CRY1: variants seen among roughly 807,000 people sequenced by gnomAD.
CRY1 encodes cryptochrome-1.
In CRY1, 45 loss-of-function variants were observed where a neutral mutation model predicts 76.0. The ratio of observed to expected loss-of-function variants is 0.59; its 90% CI spans 0.47 to 0.76. CRY1 has a LOEUF of 0.76. CRY1 is among the 30% of genes least tolerant of loss of function. CRY1 has a pLI of 0.00. For missense variants in CRY1, 587 were observed against 716.4 expected, an observed-to-expected ratio of 0.82 and a Z score of 2.06; for synonymous variants, 248 against 244.0, an observed-to-expected ratio of 1.02 and a Z score of -0.15.
At chr12:107,052,129 A>G (rs1248706894) in intron 1 of CRY1, among the ~76,000 whole-genome samples, 1 of 152,128 alleles carries the variant, frequency 6.6e-6, no homozygotes, top group Non-Finnish European at 1.5e-5. Flanking sequence ...TGATTTTTAA[A>G]GAGAAAGACA....
chr12:107,092,703 A>G, intron 1 of CRY1, 101 bp downstream of exon 1: 1 of 1,513,448 alleles, frequency 6.6e-7, no homozygotes. Flanking sequence ...TAAGCAAGAC[A>G]GTCCCACGTC....
Position 107,000,216 on chromosome 12 carries a change from T to C in CRY1, c.685-134A>G, listed in dbSNP as rs1460001312. The C allele has an allele frequency of 5.7e-6, 5 of 877,988 alleles. 1 individual carries two copies. The highest frequency in any genetic ancestry group is 8.3e-6 in the Non-Finnish European group (5 of 604,010). 54.4% of individuals were successfully genotyped at this position (877,988 alleles called of 1,614,324 possible). The stretch of plus-strand genomic sequence containing the variant: ...AATCTTATCCTAGCCACAAATTACA[T>C]GTTTTAATAAAAAATAAGACAGGAT... On this transcript the variant is annotated intron_variant, in intron 5 of 12. Transcript: ENST00000008527.
intron 2 of CRY1, among the ~76,000 whole-genome samples, chr12:107,014,567 CTTTA>C (rs1566247913): frequency 7.7e-6 from 1 of 130,602 alleles, no homozygotes; most frequent in Non-Finnish European, 1.7e-5. Flanking sequence ...TCCCGTTCCT[CTTTA>C]TTTTTTGTTT....
intron 1 of CRY1, among the ~76,000 whole-genome samples, chr12:107,088,694 CTA>C (rs1213636072): frequency 6.6e-6 from 1 of 152,178 alleles, no homozygotes; most frequent in Non-Finnish European, 1.5e-5. Flanking sequence ...CTCAAACAAA[CTA>C]TTAATAAAAC....
chr12:107,032,516 A>G (rs1343908500), intron 1 of CRY1, among the ~76,000 whole-genome samples: 1 of 151,916 alleles, frequency 6.6e-6, no homozygotes, highest in Non-Finnish European at 1.5e-5. Context: ...ACAGACACAC[A>G]CACACACACA....
chr12:107,037,392 C>T (rs1225314850), intron 1 of CRY1, among the ~76,000 whole-genome samples: 1 of 152,004 alleles, frequency 6.6e-6, no homozygotes, highest in Admixed American at 6.6e-5. Context: ...ATTAGCCAGG[C>T]GTGGTGGTGC....
intron 2 of CRY1, among the ~76,000 whole-genome samples, chr12:107,016,015 A>G (rs1436544339): frequency 1.3e-5 from 2 of 152,338 alleles, no homozygotes; most frequent in Middle Eastern, 3.4e-3. Context: ...AACTAAATGA[A>G]TATAAAGTTC....
chr12:107,041,261 C>T (rs1952796039), intron 1 of CRY1, among the ~76,000 whole-genome samples: 1 of 151,330 alleles, frequency 6.6e-6, no homozygotes, highest in Admixed American at 6.6e-5. Context: ...GATTAAAATA[C>T]ACAAATTTAT....
chr12:107,048,583 C>A (rs1053110155), intron 1 of CRY1, among the ~76,000 whole-genome samples: 1 of 152,082 alleles, frequency 6.6e-6, no homozygotes, highest in Non-Finnish European at 1.5e-5. Context: ...TACCAAATAC[C>A]GTATGTCTCT....
At chr12:107,042,460 CCT>C (rs1451181871) in intron 1 of CRY1, among the ~76,000 whole-genome samples, 3 of 152,056 alleles carry the variant, frequency 2.0e-5, no homozygotes, top group African/African-American at 4.8e-5. Flanking sequence ...CCACATATCC[CCT>C]GATATAAAAA....
chr12:107,042,256 C>G (rs1454693226), intron 1 of CRY1, among the ~76,000 whole-genome samples: 1 of 152,034 alleles, frequency 6.6e-6, no homozygotes, highest in African/African-American at 2.4e-5. Context: ...ATAATTCAGG[C>G]AAGATCTACT....
chr12:107,067,470 G>T (rs564665429), intron 1 of CRY1, among the ~76,000 whole-genome samples: 1 of 151,818 alleles, frequency 6.6e-6, no homozygotes, highest in African/African-American at 2.4e-5. Flanking sequence ...TGGTGATATC[G>T]GCATGCACAA....
chr12:107,009,877 T>C (rs1398544162), intron 2 of CRY1, among the ~76,000 whole-genome samples: 1 of 152,008 alleles, frequency 6.6e-6, no homozygotes, highest in African/African-American at 2.4e-5. Flanking sequence ...CAGGTTGTGG[T>C]ATCAGGGTTA....
chr12:106,997,622 C>A lies in CRY1; in HGVS notation c.1358G>T (p.Gly453Val). 2 of 1,614,084 alleles carry A rather than the reference C, an allele frequency of 1.2e-6. No homozygotes were observed. Among genetic ancestry groups the A allele is most frequent in the Non-Finnish European group, 1.7e-6 (2 of 1,179,970 alleles). ...CAAACATTTGGCTACCTTTTGGATA[C>A]CTTCTGGTGCATTCCAGGGATCATA... ...YIYDPWNAPE[G>V]IQKVAKCLIG... is the part of the protein sequence containing the mutation. The change falls in exon 9 of 13, where the codon GGT (glycine) becomes GTT (valine). Residue 453 changes from glycine (G) to valine (V), a missense_variant. Transcript: ENST00000008527.
chr12:107,086,702 T>C (rs540398798), intron 1 of CRY1, among the ~76,000 whole-genome samples: 6 of 152,308 alleles, frequency 3.9e-5, no homozygotes, highest in Non-Finnish European at 8.8e-5. Context: ...GTATACAGAA[T>C]ACAAGATCCA....
At chr12:107,034,446 C>T (rs886663609) in intron 1 of CRY1, among the ~76,000 whole-genome samples, 1 of 152,066 alleles carries the variant, frequency 6.6e-6, no homozygotes, top group Non-Finnish European at 1.5e-5. Context: ...TATGGACTGG[C>T]CATTTTTTGT....
chr12:107,054,560 G>C (rs917226664), intron 1 of CRY1, among the ~76,000 whole-genome samples: 1 of 149,324 alleles, frequency 6.7e-6, no homozygotes, highest in African/African-American at 2.5e-5. Context: ...ACTAACGAAA[G>C]GCTTCAATTA....
intron 2 of CRY1, among the ~76,000 whole-genome samples, chr12:107,015,352 T>C (rs1046815999): frequency 4.7e-4 from 72 of 152,218 alleles, no homozygotes; most frequent in African/African-American, 1.7e-3. Context: ...CTCTTTTTTT[T>C]TTTTTGAGAC....
chr12:107,029,606 C>CAAA (rs35485801), intron 1 of CRY1, among the ~76,000 whole-genome samples: 12 of 112,248 alleles, frequency 1.1e-4, no homozygotes, highest in African/African-American at 3.1e-4. Context: ...GGTCTTGCCT[C>CAAA]AAAAAAAAAA....
Sources: gnomAD v4.1 joint callset for allele counts (sites outside exome capture counted in the v4.1 genomes callset) on GRCh38, gnomAD v4.1.1 for gene constraint, MANE v1.5 for transcripts, NCBI Gene and HGNC (gene_info 2026-07-23, HGNC 2026-07-21) for gene names.